ZEB2: variants seen among roughly 807,000 people sequenced by gnomAD.
The protein encoded by ZEB2 is zinc finger E-box binding homeobox 2, also known as zinc finger E-box-binding homeobox 2.
In ZEB2, 6 loss-of-function variants were observed where a neutral mutation model predicts 99.9. The ratio of observed to expected loss-of-function variants is 0.06; its 90% confidence interval spans 0.03 to 0.12. The LOEUF (loss-of-function observed/expected upper bound fraction) is 0.12, where lower values mean the gene tolerates loss of function less well. Among genes scored for constraint, ZEB2 ranks in the 10% least tolerant of loss-of-function variants. The probability of loss-of-function intolerance (pLI) is 1.00; values close to 1 mark genes in which losing one functional copy is unlikely to be tolerated. For synonymous variants in ZEB2, 517 were observed against 542.5 expected (o/e 0.95, Z 0.65); for missense variants, 969 against 1,502.8 (o/e 0.64, Z 5.87).
chr2:144,463,455 C>A (rs988668532), intron 2 of ZEB2: 1 of 152,060 alleles, frequency 6.6e-6, no homozygotes, highest in African/African-American at 2.4e-5. Flanking sequence ...TTTCTTGGCA[C>A]CTGGTTATCT....
chr2:144,409,699 A>T (rs1703432824), intron 4 of ZEB2, among the ~76,000 whole-genome samples: 1 of 152,146 alleles, frequency 6.6e-6, no homozygotes, highest in Non-Finnish European at 1.5e-5. Context: ...AAGAATATCT[A>T]GCTTGGGCAA....
intron 2 of ZEB2, chr2:144,512,357 T>C: frequency 7.8e-7 from 1 of 1,287,244 alleles, no homozygotes; most frequent in South Asian, 1.2e-5. Context: ...CATCTTAGAA[T>C]AAACGCGGCA....
chr2:144,389,327 G>T lies in ZEB2; in HGVS notation c.*124C>A. 1 of 1,174,782 alleles carries T rather than the reference G, an allele frequency of 8.5e-7. No individual in the cohort carries two copies. The highest frequency in any genetic ancestry group is 1.3e-6 in the Non-Finnish European group (1 of 792,698). The allele number at this position is 1,174,782 out of a possible 1,614,324, so 72.8% of individuals were successfully genotyped here. Reference sequence around the variant, plus strand: ...CTGTCTTGGCTGAACCGCCCCTTCTGTCCCTCTCTACAGCTTCCTGGAAGC... The same window carrying T: ...CTGTCTTGGCTGAACCGCCCCTTCTTTCCCTCTCTACAGCTTCCTGGAAGC... On this transcript the variant is annotated 3_prime_UTR_variant, in exon 10 of 10. Transcript: ENST00000627532. This position sits in a 1 kb window ranked among gnomAD's most constrained non-coding sequence, Gnocchi z 6.8.
intron 2 of ZEB2, chr2:144,516,229 C>CA (rs1197257044): frequency 1.3e-5 from 2 of 148,470 alleles, no homozygotes; most frequent in East Asian, 4.1e-4. Flanking sequence ...CCCACCCCCC[C>CA]CCGGCACCCT....
intron 4 of ZEB2, among the ~76,000 whole-genome samples, chr2:144,406,420 A>G (rs1703387880): frequency 6.6e-6 from 1 of 152,226 alleles, no homozygotes. Context: ...AGAAAGTTAT[A>G]TGGTGGTATA....
chr2:144,513,477 T>C (rs1402765406), intron 2 of ZEB2: 3 of 1,512,008 alleles, frequency 2.0e-6, no homozygotes, highest in East Asian at 2.6e-5. Context: ...ATTTCCCTTT[T>C]CTCTCCTCCT....
At position 144,398,640 on chromosome 2, in the gene ZEB2, A is replaced by C. The variant is rs908943407; in HGVS notation, c.2547T>G (p.Val849=). 6.2e-7 allele frequency: 1 copy of C among 1,614,140 alleles called. No homozygotes were observed. Among genetic ancestry groups the C allele is most frequent in the Non-Finnish European group, 8.5e-7 (1 of 1,180,014 alleles). Reference sequence around the variant, plus strand: ...CATCTGAGTTTTCAGATGAGGAAGAAACACTGTTATGATCTAAACTGATGC... The same window carrying C: ...CATCTGAGTTTTCAGATGAGGAAGACACACTGTTATGATCTAAACTGATGC... ...ASSISLDHNS[V]SSSSENSDEP... The change falls in exon 8 of 10, where the codon GTT becomes GTG. Residue 849 remains valine, a synonymous_variant. Transcript: ENST00000627532.
At chr2:144,511,729 C>T in intron 2 of ZEB2, 1 of 1,286,108 alleles carries the variant, frequency 7.8e-7, no homozygotes, top group African/African-American at 1.5e-5. Flanking sequence ...GAGGAGGTGC[C>T]TGGATGTTTC....
In ZEB2 at chr2:144,416,606, T is replaced by A. The variant is rs140224235; in HGVS notation, c.403+8190A>T. Among the ~76,000 whole-genome samples the A allele has an allele frequency of 3.0e-3, 455 of 152,338 alleles. 2 individuals carry two copies. Among genetic ancestry groups the A allele is most frequent in the African/African-American group, 9.9e-3 (413 of 41,580 alleles). On this transcript the variant is annotated intron_variant, in intron 4 of 9. Coordinates refer to ENST00000627532, the MANE Select transcript of ZEB2 (RefSeq NM_014795.4). ...ACTACATTCTCTCCTATCATCATTC[T>A]GTCTTCTTCTTCTGATCTTACTGCT...
At chr2:144,483,445 G>C (rs1349198954) in intron 2 of ZEB2, among the ~76,000 whole-genome samples, 1 of 152,138 alleles carries the variant, frequency 6.6e-6, no homozygotes, top group East Asian at 1.9e-4. Context: ...GTTACCTTTT[G>C]TGTTTAAAGT....
intron 4 of ZEB2, among the ~76,000 whole-genome samples, chr2:144,421,393 C>T (rs1703616769): frequency 6.6e-6 from 1 of 152,162 alleles, no homozygotes; most frequent in Admixed American, 6.5e-5. Context: ...ATTTCTAAAA[C>T]CACATGTATT....
At chr2:144,467,906 T>TATGTCAAG (rs1218356219) in intron 2 of ZEB2, among the ~76,000 whole-genome samples, 1 of 152,118 alleles carries the variant, frequency 6.6e-6, no homozygotes, top group Non-Finnish European at 1.5e-5. Context: ...AAACTGAAGT[T>TATGTCAAG]ATGTCAAGCG....
At position 144,398,889 on chromosome 2, in the gene ZEB2, A is replaced by G; in HGVS notation, c.2298T>C (p.Phe766=). 1.2e-6 allele frequency: 2 copies of G among 1,614,168 alleles called. No individual in the cohort carries two copies. The highest frequency in any genetic ancestry group is 3.3e-4 in the Middle Eastern group (2 of 6,062). The change falls in exon 8 of 10, where the codon TTT becomes TTC. Residue 766 remains phenylalanine (F), a synonymous_variant. Coordinates refer to ENST00000627532, the MANE Select transcript of ZEB2 (RefSeq NM_014795.4). ...ATTTTTCAACTGGTTTAATATTGGT[A>G]AAATGGGAAGGTTTTGTTAGCCTGA... is the stretch of plus-strand genomic sequence containing the variant. ...PPLRLTKPSH[F]TNIKPVEKLD... is the part of the protein sequence containing the mutation.
chr2:144,510,856 AG>A (rs1467881320), intron 2 of ZEB2, among the ~76,000 whole-genome samples: 5 of 152,328 alleles, frequency 3.3e-5, no homozygotes, highest in Non-Finnish European at 5.9e-5. Context: ...GTTTACTGGG[AG>A]AGACACAGCG....
At chr2:144,512,205 C>T (rs1482733481) in intron 2 of ZEB2, 3 of 1,287,186 alleles carry the variant, frequency 2.3e-6, no homozygotes, top group East Asian at 5.6e-5. Context: ...CTGTGACAGG[C>T]ACAAAATAGT....
chr2:144,502,248 T>C (rs972995350), intron 2 of ZEB2, among the ~76,000 whole-genome samples: 2 of 152,214 alleles, frequency 1.3e-5, no homozygotes, highest in African/African-American at 4.8e-5. Flanking sequence ...AAAGATGCTG[T>C]TTTATGAATG....
intron 2 of ZEB2, among the ~76,000 whole-genome samples, chr2:144,451,327 AAAGATTTT>A (rs1380846286): frequency 1.3e-5 from 2 of 152,204 alleles, no homozygotes; most frequent in Admixed American, 1.3e-4. Flanking sequence ...CCAGTGCAGA[AAAGATTTT>A]TCTAGTATTT....
chr2:144,454,973 A>C (rs1704101956), intron 2 of ZEB2: 1 of 152,188 alleles, frequency 6.6e-6, no homozygotes, highest in Admixed American at 6.6e-5. Context: ...CTGACAGAGA[A>C]GATTTCATTT....
At chr2:144,469,343 C>A (rs1467304413) in intron 2 of ZEB2, among the ~76,000 whole-genome samples, 1 of 152,146 alleles carries the variant, frequency 6.6e-6, no homozygotes, top group Admixed American at 6.6e-5. Context: ...GGCCAATTCA[C>A]CAACTAACAC....
Sources: allele counts gnomAD v4.1 joint callset (sites outside exome capture counted in the v4.1 genomes callset), GRCh38; gene constraint gnomAD v4.1.1; non-coding constraint Gnocchi (gnomAD v3.1); transcripts MANE v1.5; gene names NCBI Gene and HGNC (gene_info 2026-07-23, HGNC 2026-07-21).